Variants in SYN3 observed in about 807,000 individuals in gnomAD.
SYN3 encodes synapsin-3.
A neutral mutation model predicts 65.8 loss-of-function variants in SYN3; 35 were observed. The ratio of observed to expected loss-of-function variants is 0.53; its 90% CI spans 0.41 to 0.70. The LOEUF (loss-of-function observed/expected upper bound fraction) is 0.70. SYN3 is among the 30% of genes least tolerant of loss of function. The pLI is 0.00. For synonymous variants in SYN3, 270 were observed against 292.9 expected, an observed-to-expected ratio of 0.92 and a Z score of 0.80; for missense variants, 680 against 749.0, an observed-to-expected ratio of 0.91 and a Z score of 1.08.
chr22:32,664,397 T>C (rs1341520906), intron 6 of SYN3, among the ~76,000 whole-genome samples: 1 of 152,106 alleles, frequency 6.6e-6, no homozygotes, highest in Non-Finnish European at 1.5e-5. Flanking sequence ...AATCTAGTGG[T>C]CGGTGTTTTA....
chr22:32,807,406 T>TATAATA, intron 6 of SYN3, among the ~76,000 whole-genome samples: 1 of 110,940 alleles, frequency 9.0e-6, no homozygotes, highest in Non-Finnish European at 1.8e-5. Context: ...TATATATATA[T>TATAATA]TATATTTACA....
chr22:32,807,973 G>GT (rs952473625), intron 6 of SYN3, among the ~76,000 whole-genome samples: 1 of 151,726 alleles, frequency 6.6e-6, no homozygotes, highest in African/African-American at 2.4e-5. Context: ...CTTACTGAGT[G>GT]TTTTTTTTCC....
rs776011817 is a variant in SYN3 at position 32,529,026 on chromosome 22, G to T, written c.1096-18C>A. ...TCCATTACCTGTGGGGAGGAAGGGAGAGCTGAGGGACCCCCATGCCAGGAG... is the reference window on the plus strand; with the variant it reads ...TCCATTACCTGTGGGGAGGAAGGGATAGCTGAGGGACCCCCATGCCAGGAG... On this transcript the variant is annotated intron_variant, in intron 10 of 13. Coordinates refer to ENST00000358763, the MANE Select transcript of SYN3 (RefSeq NM_003490.4). 2 of 1,613,510 alleles carry T rather than the reference G, an allele frequency of 1.2e-6. No individual in the cohort carries two copies. The highest frequency in any genetic ancestry group is 3.3e-5 in the Admixed American group (2 of 60,032).
intron 13 of SYN3, among the ~76,000 whole-genome samples, chr22:32,517,108 G>T (rs759577893): frequency 3.9e-5 from 6 of 152,228 alleles, no homozygotes; most frequent in Non-Finnish European, 8.8e-5. Context: ...GATTCCTCTT[G>T]TCCCTGTAGC....
intron 6 of SYN3, among the ~76,000 whole-genome samples, chr22:32,842,664 T>C (rs1256754515): frequency 6.6e-6 from 1 of 152,246 alleles, no homozygotes; most frequent in African/African-American, 2.4e-5. Flanking sequence ...TTAATCAATC[T>C]AATTAACTTC....
intron 6 of SYN3, among the ~76,000 whole-genome samples, chr22:32,808,564 G>A (rs1280982550): frequency 6.6e-6 from 1 of 152,196 alleles, no homozygotes; most frequent in Non-Finnish European, 1.5e-5. Context: ...ACAAGGGCCA[G>A]TGTGGACCCT....
intron 6 of SYN3, among the ~76,000 whole-genome samples, chr22:32,818,330 A>G (rs1459870555): frequency 1.3e-5 from 2 of 152,100 alleles, no homozygotes; most frequent in Non-Finnish European, 2.9e-5. Context: ...AGGGGCACTC[A>G]CATTTAGAAT....
At chr22:32,665,771 T>C (rs2060281991) in intron 6 of SYN3, among the ~76,000 whole-genome samples, 1 of 152,092 alleles carries the variant, frequency 6.6e-6, no homozygotes, top group Admixed American at 6.6e-5. Flanking sequence ...CTCAGACCTT[T>C]TCTCTTTTTC....
chr22:32,835,118 C>T (rs151256310), intron 6 of SYN3, among the ~76,000 whole-genome samples: 4 of 152,266 alleles, frequency 2.6e-5, no homozygotes, highest in Non-Finnish European at 5.9e-5. Context: ...GTTCATGCAG[C>T]GGAATTGGCA....
intron 4 of SYN3, among the ~76,000 whole-genome samples, chr22:32,919,941 T>TC (rs1356462188): frequency 6.6e-6 from 1 of 152,026 alleles, no homozygotes; most frequent in African/African-American, 2.4e-5. Flanking sequence ...TTATAGACCA[T>TC]CCCCTCCTCT....
rs548276969 is a variant in SYN3, at chr22:32,837,562, C to T, written c.711+27353G>A. Reference sequence around the variant, plus strand: ...GAGACAGAGATGCATGAAATACTAACGTTGAAGATTAGAAATGGGATGTGC... The same window carrying T: ...GAGACAGAGATGCATGAAATACTAATGTTGAAGATTAGAAATGGGATGTGC... On this transcript the variant is annotated intron_variant, in intron 6 of 13. Transcript: ENST00000358763. This position sits in a 1 kb window ranked among gnomAD's most constrained non-coding sequence, Gnocchi z 4.1. Among the ~76,000 whole-genome samples, 3 of 152,022 alleles carry T rather than the reference C, an allele frequency of 2.0e-5. No individual in the cohort carries two copies. The highest frequency in any genetic ancestry group is 2.1e-4 in the South Asian group (1 of 4,816).
At chr22:32,938,211 A>T (rs1601734941) in intron 3 of SYN3, among the ~76,000 whole-genome samples, 2 of 152,300 alleles carry the variant, frequency 1.3e-5, no homozygotes, top group East Asian at 3.9e-4. Flanking sequence ...GATAGTAGTA[A>T]ATCTTCCTTA....
intron 6 of SYN3, among the ~76,000 whole-genome samples, chr22:32,856,904 T>C (rs928075951): frequency 2.6e-5 from 4 of 152,176 alleles, no homozygotes; most frequent in Admixed American, 2.0e-4. Flanking sequence ...AGTGAGAACA[T>C]GGTGTATTTG....
At chr22:32,710,099 A>ACG (rs1555931598) in intron 6 of SYN3, among the ~76,000 whole-genome samples, 16 of 65,634 alleles carry the variant, frequency 2.4e-4, no homozygotes, top group East Asian at 1.9e-3. Context: ...ACACACACAC[A>ACG]TGTGTGTGTG....
Position 32,565,482 on chromosome 22 carries a change from TA to T in SYN3, c.775-23770del, listed in dbSNP as rs374554028. On this transcript the variant is annotated intron_variant, in intron 7 of 13. Coordinates refer to ENST00000358763, the MANE Select transcript of SYN3 (RefSeq NM_003490.4). ...AAAATAGTTTACGTATATACATATA[TA>T]AAAAATATAAATTCATACATAAAAA... Among the ~76,000 whole-genome samples the T allele has an allele frequency of 9.1e-4, 137 of 150,420 alleles. 2 individuals are homozygous for T. Among genetic ancestry groups the T allele is most frequent in the South Asian group, 2.5e-3 (12 of 4,782 alleles).
At chr22:32,524,864 C>T (rs1423897443) in intron 12 of SYN3, among the ~76,000 whole-genome samples, 1 of 152,098 alleles carries the variant, frequency 6.6e-6, no homozygotes, top group African/African-American at 2.4e-5. Context: ...CAAAAATTAG[C>T]TGGGCATGGT....
intron 1 of SYN3, among the ~76,000 whole-genome samples, chr22:33,020,744 A>G (rs1181586610): frequency 6.6e-5 from 10 of 152,160 alleles, no homozygotes; most frequent in African/African-American, 2.4e-5. Context: ...AAGGACTACA[A>G]TGGCCTCAGC....
At chr22:32,731,115 A>C (rs2061265023) in intron 6 of SYN3, among the ~76,000 whole-genome samples, 1 of 152,146 alleles carries the variant, frequency 6.6e-6, no homozygotes. Context: ...TCATCCACCC[A>C]GGCATCCCTA....
intron 6 of SYN3, among the ~76,000 whole-genome samples, chr22:32,806,785 CATCT>C (rs130271): frequency 0.22 from 33,972 of 151,884 alleles, 4,097 homozygotes; most frequent in East Asian, 0.37. Context: ...TATCATTTAT[CATCT>C]ATCTATCTAT....
Sources: allele counts gnomAD v4.1 joint callset (sites outside exome capture counted in the v4.1 genomes callset), GRCh38; gene constraint gnomAD v4.1.1; non-coding constraint Gnocchi (gnomAD v3.1); transcripts MANE v1.5; gene names NCBI Gene and HGNC (gene_info 2026-07-23, HGNC 2026-07-21).